Variants in AKAP19 observed in about 807,000 individuals in gnomAD.
AKAP19 encodes the protein A-kinase anchoring protein 19, also known as small A-kinase anchoring protein.
At chr2:190,101,264 G>A in the AKAP19 span, among the ~76,000 whole-genome samples, 4 of 152,358 alleles carry the variant, frequency 2.6e-5, no homozygotes, top group Admixed American at 2.6e-4. Flanking sequence ...CCCTGGAATT[G>A]TGTTCTTCCC....
the AKAP19 span, among the ~76,000 whole-genome samples, chr2:190,168,821 A>G: frequency 6.6e-6 from 1 of 152,176 alleles, no homozygotes; most frequent in Non-Finnish European, 1.5e-5. Flanking sequence ...TTCATTGTCC[A>G]TATCATTATC....
the AKAP19 span, among the ~76,000 whole-genome samples, chr2:189,880,257 G>A: frequency 6.6e-6 from 1 of 152,024 alleles, no homozygotes; most frequent in Non-Finnish European, 1.5e-5. Context: ...TTTTTTGGTG[G>A]TTTTTTTGAG....
chr2:189,923,331 A>G, the AKAP19 span: 1 of 1,609,922 alleles, frequency 6.2e-7, no homozygotes, highest in Non-Finnish European at 8.5e-7. Flanking sequence ...TTACCATCAA[A>G]CACAATGGCC....
chr2:189,888,689 T>C, the AKAP19 span, among the ~76,000 whole-genome samples: 2 of 152,186 alleles, frequency 1.3e-5, no homozygotes, highest in African/African-American at 2.4e-5. Context: ...AGGTATTTTA[T>C]TCTCTTTGTA....
chr2:190,103,142 CT>C, the AKAP19 span, among the ~76,000 whole-genome samples: 2 of 152,110 alleles, frequency 1.3e-5, no homozygotes, highest in Admixed American at 6.6e-5. Flanking sequence ...ACCTAACATC[CT>C]TTACTGAAAA....
At chr2:189,996,500 T>C in the AKAP19 span, among the ~76,000 whole-genome samples, 2,033 of 152,292 alleles carry the variant, frequency 0.013, 19 homozygotes, top group Non-Finnish European at 0.021. Context: ...ATATCCTGTA[T>C]TGTTTTTTTA....
the AKAP19 span, among the ~76,000 whole-genome samples, chr2:189,915,120 T>G: frequency 2.0e-5 from 3 of 152,160 alleles, no homozygotes; most frequent in African/African-American, 7.2e-5. Flanking sequence ...CTTCACTTCT[T>G]GGTATCTCCT....
At chr2:189,925,690 A>T in the AKAP19 span, among the ~76,000 whole-genome samples, 1 of 152,176 alleles carries the variant, frequency 6.6e-6, no homozygotes, top group Admixed American at 6.5e-5. Context: ...GTGAGATGAG[A>T]CGCCCTAACC....
chr2:190,075,456 G>T, the AKAP19 span, among the ~76,000 whole-genome samples: 2 of 152,046 alleles, frequency 1.3e-5, no homozygotes, highest in Non-Finnish European at 2.9e-5. Context: ...CTCTAATGAT[G>T]AATCTGGCTA....
chr2:189,886,469 A>G, the AKAP19 span, among the ~76,000 whole-genome samples: 1 of 152,208 alleles, frequency 6.6e-6, no homozygotes, highest in Non-Finnish European at 1.5e-5. Flanking sequence ...TCTATCATAA[A>G]CATCCTGGGA....
At chr2:189,901,621 A>G in the AKAP19 span, among the ~76,000 whole-genome samples, 1 of 152,296 alleles carries the variant, frequency 6.6e-6, no homozygotes, top group Admixed American at 6.5e-5. Flanking sequence ...TACATGTGTG[A>G]GTCACCATGC....
At chr2:189,966,815 C>T in the AKAP19 span, among the ~76,000 whole-genome samples, 2 of 152,134 alleles carry the variant, frequency 1.3e-5, no homozygotes, top group Non-Finnish European at 2.9e-5. Flanking sequence ...TTACTTCTTA[C>T]AATTTTATGT....
chr2:190,141,265 G>T, the AKAP19 span, among the ~76,000 whole-genome samples: 159 of 152,256 alleles, frequency 1.0e-3, no homozygotes, highest in African/African-American at 3.7e-3. Context: ...CCTCCAAACT[G>T]TTCCAACCTC....
At chr2:190,073,107 A>G in the AKAP19 span, among the ~76,000 whole-genome samples, 1 of 152,182 alleles carries the variant, frequency 6.6e-6, no homozygotes, top group Non-Finnish European at 1.5e-5. Flanking sequence ...AAGAATGCAC[A>G]AATACTGTAA....
At chr2:190,022,017 T>G in the AKAP19 span, among the ~76,000 whole-genome samples, 1 of 152,140 alleles carries the variant, frequency 6.6e-6, no homozygotes, top group Non-Finnish European at 1.5e-5. Flanking sequence ...GGGCTGAGTG[T>G]GCTAACTCAG....
At chr2:190,072,104 T>C in the AKAP19 span, among the ~76,000 whole-genome samples, 1 of 152,226 alleles carries the variant, frequency 6.6e-6, no homozygotes, top group Admixed American at 6.5e-5. Flanking sequence ...TCATGTTCTT[T>C]GCTGCAACAT....
chr2:190,102,179 A>T, the AKAP19 span, among the ~76,000 whole-genome samples: 2 of 152,220 alleles, frequency 1.3e-5, no homozygotes, highest in Non-Finnish European at 2.9e-5. Context: ...TCTGGGATGC[A>T]GCAAAAGCAG....
the AKAP19 span, among the ~76,000 whole-genome samples, chr2:190,069,175 T>TGTGTGTGTGTGTGAGAGA: frequency 1.3e-3 from 155 of 123,522 alleles, no homozygotes; most frequent in African/African-American, 4.5e-3. Context: ...TGTGTGTGTG[T>TGTGTGTGTGTGTGAGAGA]GAGAGAGAGA....
At chr2:190,178,495 G>C in the AKAP19 span, among the ~76,000 whole-genome samples, 1 of 152,204 alleles carries the variant, frequency 6.6e-6, no homozygotes, top group African/African-American at 2.4e-5. The surrounding 1 kb of genome is among the most constrained non-coding windows in gnomAD (Gnocchi z 6.3). Context: ...ACTCTCTCCA[G>C]TGCACACCCA....
Sources: allele counts gnomAD v4.1 joint callset (sites outside exome capture counted in the v4.1 genomes callset), GRCh38; gene constraint gnomAD v4.1.1; non-coding constraint Gnocchi (gnomAD v3.1); transcripts MANE v1.5; gene names NCBI Gene and HGNC (gene_info 2026-07-23, HGNC 2026-07-21).